The following ENOX1 variants were observed in gnomAD, a reference collection of about 807,000 sequenced individuals.
ENOX1 encodes ecto-NOX disulfide-thiol exchanger 1.
Under a neutral mutation model 82.5 loss-of-function variants are expected in ENOX1, and 42 were observed. The observed-to-expected ratio is 0.51, with a 90% CI of 0.40 to 0.66. ENOX1 has a LOEUF of 0.66. Among genes scored for constraint, ENOX1 ranks in the 30% least tolerant of loss-of-function variants. The probability of loss-of-function intolerance (pLI) is 0.00; values close to 1 mark genes in which losing one functional copy is unlikely to be tolerated. For missense variants in ENOX1, 608 were observed against 811.6 expected, an observed-to-expected ratio of 0.75 and a Z score of 3.05; for synonymous variants, 271 against 282.2, an observed-to-expected ratio of 0.96 and a Z score of 0.40.
At chr13:43,366,780 T>C (rs1005714133) in intron 5 of ENOX1, among the ~76,000 whole-genome samples, 2 of 152,256 alleles carry the variant, frequency 1.3e-5, no homozygotes, top group African/African-American at 4.8e-5. Context: ...ATTCTAAGCC[T>C]CATTTATAAT....
intron 11 of ENOX1, chr13:43,321,227 C>T (rs553568623): frequency 1.9e-4 from 83 of 447,106 alleles, no homozygotes; most frequent in African/African-American, 1.5e-3. Flanking sequence ...TTCACTTCCC[C>T]ACACCCTGTA....
At chr13:43,293,209 G>A (rs1005433613) in intron 12 of ENOX1, among the ~76,000 whole-genome samples, 1 of 151,856 alleles carries the variant, frequency 6.6e-6, no homozygotes, top group Non-Finnish European at 1.5e-5. Flanking sequence ...CACTACAGTT[G>A]ACATTACCAT....
intron 2 of ENOX1, among the ~76,000 whole-genome samples, chr13:43,494,201 C>G (rs1024350573): frequency 6.6e-6 from 1 of 152,134 alleles, no homozygotes; most frequent in Non-Finnish European, 1.5e-5. Context: ...ACCAGTCACA[C>G]TGACACCCAA....
At chr13:43,496,552 T>G (rs1459350430) in intron 2 of ENOX1, among the ~76,000 whole-genome samples, 4 of 152,004 alleles carry the variant, frequency 2.6e-5, no homozygotes, top group Non-Finnish European at 4.4e-5. Context: ...TCAGCTACTT[T>G]GACTATTTAT....
At chr13:43,620,905 T>C (rs1301521999) in intron 2 of ENOX1, among the ~76,000 whole-genome samples, 9 of 152,210 alleles carry the variant, frequency 5.9e-5, no homozygotes, top group Non-Finnish European at 1.3e-4. Flanking sequence ...CTATTAGTCA[T>C]AGTTTTATAA....
At chr13:43,247,828 CATATATATAT>C (rs71214135) in intron 14 of ENOX1, among the ~76,000 whole-genome samples, 27 of 37,042 alleles carry the variant, frequency 7.3e-4, no homozygotes, top group Non-Finnish European at 8.4e-4. Context: ...ACAGATGCAA[CATATATATAT>C]ATATATATAT....
intron 2 of ENOX1, among the ~76,000 whole-genome samples, chr13:43,606,516 C>T (rs2153734633): frequency 6.6e-6 from 1 of 152,010 alleles, no homozygotes; most frequent in East Asian, 1.9e-4. Context: ...CAAAGGAGGT[C>T]GTTATATTAG....
At chr13:43,748,293 C>T (rs1950133277) in intron 1 of ENOX1, among the ~76,000 whole-genome samples, 1 of 152,168 alleles carries the variant, frequency 6.6e-6, no homozygotes, top group South Asian at 2.1e-4. Flanking sequence ...AGAAGCCCTG[C>T]TCCAAACTAT....
intron 2 of ENOX1, among the ~76,000 whole-genome samples, chr13:43,551,323 T>A (rs532205087): frequency 6.6e-6 from 1 of 152,276 alleles, no homozygotes; most frequent in East Asian, 1.9e-4. Context: ...ATGTATCACA[T>A]CTATTGACTT....
intron 9 of ENOX1, among the ~76,000 whole-genome samples, chr13:43,338,456 GA>G (rs1010460173): frequency 3.3e-5 from 5 of 152,134 alleles, no homozygotes; most frequent in African/African-American, 1.2e-4. Flanking sequence ...ACATGACAAA[GA>G]TGATTTACCT....
In ENOX1 at chr13:43,349,287, T is replaced by A. The variant is rs552181042; in HGVS notation, c.824-4537A>T. On this transcript the variant is annotated intron_variant, in intron 8 of 16. Coordinates refer to ENST00000690772, the MANE Select transcript of ENOX1 (RefSeq NM_001347969.2). ...GAAAGTTAAGAGTGATGTCAGATAA[T>A]CCCACAGAAGCAAGGCCCTCTGCAG... 5.4e-4 allele frequency among the ~76,000 whole-genome samples: 82 copies of A among 152,290 alleles called. 2 individuals carry two copies. In the South Asian group the frequency reaches 0.017, roughly 31 times the overall value.
chr13:43,507,257 A>G (rs2077206467), intron 2 of ENOX1, among the ~76,000 whole-genome samples: 1 of 152,110 alleles, frequency 6.6e-6, no homozygotes, highest in East Asian at 1.9e-4. Flanking sequence ...CAGTAAGAAA[A>G]GCAAAGGAGA....
chr13:43,215,963 G>A (rs1284558289), intron 16 of ENOX1, among the ~76,000 whole-genome samples: 2 of 152,174 alleles, frequency 1.3e-5, no homozygotes, highest in Non-Finnish European at 1.5e-5. Flanking sequence ...TGGGGAGGCC[G>A]AGGTGGGTGG....
rs564638065 is a variant in ENOX1, at chr13:43,267,684, AG to A, written c.1554+1785del. ...TCAGTGCACATCTGTGTGTGGGTAC[AG>A]GGACATGGAAAGAAACCTGTACCCT... On this transcript the variant is annotated intron_variant, in intron 13 of 16. Transcript: ENST00000690772. Among the ~76,000 whole-genome samples, 18 of 152,350 alleles carry A rather than the reference AG, an allele frequency of 1.2e-4. No homozygotes were observed. In the South Asian group the frequency reaches 3.7e-3, roughly 32 times the overall value.
chr13:43,641,452 C>T (rs780344591), intron 2 of ENOX1, among the ~76,000 whole-genome samples: 7 of 150,074 alleles, frequency 4.7e-5, no homozygotes, highest in Non-Finnish European at 1.0e-4. Flanking sequence ...CCTTGAGTCT[C>T]TATAAGGAAT....
intron 2 of ENOX1, among the ~76,000 whole-genome samples, chr13:43,487,122 A>T (rs2076453936): frequency 6.6e-6 from 1 of 151,870 alleles, no homozygotes; most frequent in Admixed American, 6.6e-5. Flanking sequence ...CAGTGGGCTG[A>T]GATCGTGCCA....
At chr13:43,681,238 T>C (rs774364856) in intron 1 of ENOX1, among the ~76,000 whole-genome samples, 2 of 152,160 alleles carry the variant, frequency 1.3e-5, no homozygotes, top group East Asian at 1.9e-4. Context: ...TTTTATAGAA[T>C]GGAAAAGGCT....
chr13:43,310,955 C>T (rs1485112103), intron 11 of ENOX1, among the ~76,000 whole-genome samples: 2 of 151,764 alleles, frequency 1.3e-5, no homozygotes, highest in Non-Finnish European at 2.9e-5. Flanking sequence ...TAGTCCCCCA[C>T]ATTTTAATGA....
chr13:43,759,419 T>C (rs1175644472), intron 1 of ENOX1, among the ~76,000 whole-genome samples: 1 of 152,094 alleles, frequency 6.6e-6, no homozygotes, highest in Non-Finnish European at 1.5e-5. Flanking sequence ...TCAGTTTCTA[T>C]AAAGCTATGT....
Sources: allele counts gnomAD v4.1 joint callset (sites outside exome capture counted in the v4.1 genomes callset), GRCh38; gene constraint gnomAD v4.1.1; transcripts MANE v1.5; gene names NCBI Gene and HGNC (gene_info 2026-07-23, HGNC 2026-07-21).